Variants in TNPO2 observed in about 807,000 individuals in gnomAD.
TNPO2 encodes the protein transportin 2.
Under a neutral mutation model 111.1 loss-of-function variants are expected in TNPO2, and 16 were observed. The observed-to-expected ratio is 0.14, with a 90% confidence interval of 0.10 to 0.22. The LOEUF (loss-of-function observed/expected upper bound fraction) is 0.22. TNPO2 is among the 10% of genes least tolerant of loss of function. TNPO2 has a pLI of 1.00. For missense variants in TNPO2, 530 were observed against 1,173.7 expected, an observed-to-expected ratio of 0.45 and a Z score of 8.01; for synonymous variants, 481 against 475.8, an observed-to-expected ratio of 1.01 and a Z score of -0.14.
chr19:12,706,552 T>C lies in TNPO2; in HGVS notation c.1496+18A>G. ...CCGGGGGAGAGTGGGGGCTGTGGGA[T>C]CAGGGGTCCAGGGTCACCTGCAGGC... On this transcript the variant is annotated intron_variant, in intron 14 of 25. Coordinates refer to ENST00000425528, the MANE Select transcript of TNPO2 (RefSeq NM_001382241.1). This position sits in a 1 kb window ranked among gnomAD's most constrained non-coding sequence, Gnocchi z 7.0. The C allele has an allele frequency of 1.2e-6, 2 of 1,612,824 alleles. No individual in the cohort carries two copies. The highest frequency in any genetic ancestry group is 1.3e-5 in the African/African-American group (1 of 74,984).
intron 3 of TNPO2, among the ~76,000 whole-genome samples, chr19:12,720,578 A>T (rs2026625400): frequency 1.3e-5 from 2 of 152,116 alleles, no homozygotes; most frequent in South Asian, 4.1e-4. Flanking sequence ...GCTTCGGCCT[A>T]CCAAAGTGCT....
In TNPO2 at chr19:12,711,169, C is replaced by A; in HGVS notation, c.1117+127G>T. The A allele has an allele frequency of 3.2e-6, 4 of 1,269,248 alleles. No individual in the cohort carries two copies. In the South Asian group the frequency reaches 5.6e-5, roughly 18 times the overall value. The allele number at this position is 1,269,248 out of a possible 1,614,324, so 78.6% of individuals were successfully genotyped here. A position where few individuals can be genotyped will look rare whatever the true frequency, so the allele number is the denominator to read the frequency against. On this transcript the variant is annotated intron_variant, in intron 12 of 25. Coordinates refer to ENST00000425528, the MANE Select transcript of TNPO2 (RefSeq NM_001382241.1). ...TCAGCCTTCCAAAGTGCTGGGATTACAGGCGTAAGCCACTGCGCCCGGCCA... is the reference window on the plus strand; with the variant it reads ...TCAGCCTTCCAAAGTGCTGGGATTAAAGGCGTAAGCCACTGCGCCCGGCCA...
Position 12,701,036 on chromosome 19 carries a change from C to T in TNPO2, c.*228G>A. The T allele has an allele frequency of 6.2e-6, 2 of 321,092 alleles. No individual in the cohort carries two copies. The highest frequency in any genetic ancestry group is 5.2e-5 in the South Asian group (1 of 19,350). 19.9% of individuals were successfully genotyped at this position (321,092 alleles called of 1,614,324 possible). The stretch of plus-strand genomic sequence containing the variant: ...GCCCTTGCCCACCAGAAGTCCCCCC[C>T]ACCTCCCCGTTTGTAGGATGAGCAT... On this transcript the variant is annotated 3_prime_UTR_variant, in exon 26 of 26. Coordinates refer to ENST00000425528, the MANE Select transcript of TNPO2 (RefSeq NM_001382241.1). This position sits in a 1 kb window ranked among gnomAD's most constrained non-coding sequence, Gnocchi z 5.0.
In TNPO2 at chr19:12,702,689, G is replaced by T; in HGVS notation, c.2305+134C>A. The T allele has an allele frequency of 1.3e-6, 1 of 786,278 alleles. No individual in the cohort carries two copies. Among genetic ancestry groups the T allele is most frequent in the Non-Finnish European group, 2.1e-6 (1 of 466,338 alleles). The allele number at this position is 786,278 out of a possible 1,614,324, so 48.7% of individuals were successfully genotyped here. Reference sequence around the variant, plus strand: ...TGCATCTTTCTTGGGGCTTCTCCCAGTGACCCCTTCCAGGTACTTCCAGAC... The same window carrying T: ...TGCATCTTTCTTGGGGCTTCTCCCATTGACCCCTTCCAGGTACTTCCAGAC... On this transcript the variant is annotated intron_variant, in intron 21 of 25. Coordinates refer to ENST00000425528, the MANE Select transcript of TNPO2 (RefSeq NM_001382241.1). The surrounding 1 kb of genome is among the most constrained non-coding windows in gnomAD (Gnocchi z 5.5).
intron 12 of TNPO2, 116 bp from the exon 13 acceptor site, chr19:12,710,889 C>G: frequency 4.5e-6 from 5 of 1,103,402 alleles, no homozygotes; most frequent in Non-Finnish European, 6.2e-6. Context: ...CGATCAGCTT[C>G]TTTTTTTTTG....
Position 12,721,146 on chromosome 19 carries a change from C to T in TNPO2, c.-13-156G>A. 1 of 1,437,010 alleles carries T rather than the reference C, an allele frequency of 7.0e-7. No individual in the cohort carries two copies. The highest frequency in any genetic ancestry group is 9.1e-7 in the Non-Finnish European group (1 of 1,102,652). The allele number at this position is 1,437,010 out of a possible 1,614,324, so 89.0% of individuals were successfully genotyped here. A position where few individuals can be genotyped will look rare whatever the true frequency, so the allele number is the denominator to read the frequency against. On this transcript the variant is annotated intron_variant, in intron 2 of 25. Coordinates refer to ENST00000425528, the MANE Select transcript of TNPO2 (RefSeq NM_001382241.1). The surrounding 1 kb of genome is among the most constrained non-coding windows in gnomAD (Gnocchi z 4.9). ...CCACGCCCGCCCAAGTGCGGGGTCC[C>T]CGCCAGCTGCGCCATCCTCGGCCGC...
chr19:12,711,859 G>A (rs957422166), intron 10 of TNPO2, among the ~76,000 whole-genome samples: 1 of 149,448 alleles, frequency 6.7e-6, no homozygotes, highest in Non-Finnish European at 1.5e-5. Context: ...CCTGCCTCCA[G>A]AGAAAGGTTT....
intron 13 of TNPO2, among the ~76,000 whole-genome samples, chr19:12,710,334 A>G (rs1341754947): frequency 6.6e-6 from 1 of 152,200 alleles, no homozygotes; most frequent in Non-Finnish European, 1.5e-5. Context: ...ACATAAGTGC[A>G]CGAGGCAAGC....
chr19:12,714,949 G>T lies in TNPO2; in HGVS notation c.772-10C>A, dbSNP rs150488608. 81 of 1,606,682 alleles carry T rather than the reference G, an allele frequency of 5.0e-5. 1 individual carries two copies. In the Middle Eastern group the frequency reaches 8.3e-4, roughly 16 times the overall value. On this transcript the variant is annotated splice_polypyrimidine_tract_variant and intron_variant, in intron 9 of 25. Coordinates refer to ENST00000425528, the MANE Select transcript of TNPO2 (RefSeq NM_001382241.1). ...TCCTCTGCAGCATGTACTGTGGTAG[G>T]GGGGAGAAGCTGAGGCCTGGCCTGG...
chr19:12,718,900 T>G (rs916136836), intron 5 of TNPO2, 129 bp downstream of exon 5: 4 of 1,272,774 alleles, frequency 3.1e-6, no homozygotes, highest in Non-Finnish European at 4.4e-6. Flanking sequence ...CTTCCTCATC[T>G]ATCAAATGGC....
Position 12,715,793 on chromosome 19 carries a change from C to T in TNPO2, c.326-54G>A, listed in dbSNP as rs1196229565. On this transcript the variant is annotated intron_variant, in intron 5 of 25. Transcript: ENST00000425528. The surrounding 1 kb of genome is among the most constrained non-coding windows in gnomAD (Gnocchi z 7.1). ...GAGGCTGGGCAGGGGCTGCCTAGCA[C>T]CTCCCCCTCCCACTGGACACCCCCA... is the stretch of plus-strand genomic sequence containing the variant. 1 of 1,423,496 alleles carries T rather than the reference C, an allele frequency of 7.0e-7. No individual in the cohort carries two copies. Among genetic ancestry groups the T allele is most frequent in the East Asian group, 2.4e-5 (1 of 40,936 alleles). 88.2% of individuals were successfully genotyped at this position (1,423,496 alleles called of 1,614,324 possible).
chr19:12,707,979 T>C (rs1008888364), intron 13 of TNPO2, among the ~76,000 whole-genome samples: 25 of 151,746 alleles, frequency 1.6e-4, no homozygotes, highest in Admixed American at 6.6e-5. Flanking sequence ...GGCCACCACG[T>C]GTGGCTAATT....
At chr19:12,708,431 GTT>G (rs1160827763) in intron 13 of TNPO2, among the ~76,000 whole-genome samples, 4 of 143,596 alleles carry the variant, frequency 2.8e-5, no homozygotes, top group Non-Finnish European at 3.1e-5. Context: ...CACACCCAGG[GTT>G]TTTTTTTTTT....
At chr19:12,712,166 C>G (rs1406964847) in intron 10 of TNPO2, among the ~76,000 whole-genome samples, 2 of 152,174 alleles carry the variant, frequency 1.3e-5, no homozygotes, top group African/African-American at 4.8e-5. Flanking sequence ...GACCAGAAGA[C>G]AAGAGTGCGA....
Position 12,710,728 on chromosome 19 carries a change from C to G in TNPO2, c.1163G>C (p.Arg388Pro). 6.2e-7 allele frequency: 1 copy of G among 1,613,342 alleles called. No individual in the cohort carries two copies. The highest frequency in any genetic ancestry group is 8.5e-7 in the Non-Finnish European group (1 of 1,179,670). Residue 388 changes from arginine to proline, a missense_variant, in exon 13 of 26, where the codon CGG (arginine) becomes CCG (proline). This residue lies in a region of TNPO2 where 88 missense variants were observed against 130.2 expected (regional missense o/e 0.68). Coordinates refer to ENST00000425528, the MANE Select transcript of TNPO2 (RefSeq NM_001382241.1). The stretch of plus-strand genomic sequence containing the variant: ...GAGTAGGTGGGGCAGCAGTTCCTCC[C>G]GGAAGACATTGGCGAGGACGTCCAG... ...AALDVLANVF[R>P]EELLPHLLPL...
At chr19:12,707,472 G>A (rs1327831214) in intron 13 of TNPO2, among the ~76,000 whole-genome samples, 1 of 139,134 alleles carries the variant, frequency 7.2e-6, no homozygotes, top group Non-Finnish European at 1.5e-5. Context: ...AGATGTTTGT[G>A]AGTTTTCTTT....
Position 12,705,716 on chromosome 19 carries a change from T to C in TNPO2, c.1721A>G (p.Lys574Arg). 1 of 1,495,158 alleles carries C rather than the reference T, an allele frequency of 6.7e-7. No individual in the cohort carries two copies. Among genetic ancestry groups the C allele is most frequent in the South Asian group, 1.3e-5 (1 of 74,548 alleles). The allele number at this position is 1,495,158 out of a possible 1,614,324, so 92.6% of individuals were successfully genotyped here. A position where few individuals can be genotyped will look rare whatever the true frequency, so the allele number is the denominator to read the frequency against. ...GGGGAAGAGGTCCTTGTCTTCGTCC[T>C]TGAGCTCATTCCACTTCTGGATCAG... ...PPLIQKWNEL[K>R]DEDKDLFPLL... The change falls in exon 16 of 26, where the codon AAG becomes AGG. Residue 574 changes from lysine (K) to arginine (R), a missense_variant. Around this residue, in one of 4 missense-constraint regions of TNPO2, gnomAD observed 183 missense variants for 481.0 expected, o/e 0.38. Coordinates refer to ENST00000425528, the MANE Select transcript of TNPO2 (RefSeq NM_001382241.1). This position sits in a 1 kb window ranked among gnomAD's most constrained non-coding sequence, Gnocchi z 7.2.
Position 12,701,126 on chromosome 19 carries a change from A to C in TNPO2, c.*138T>G. 1 of 494,118 alleles carries C rather than the reference A, an allele frequency of 2.0e-6. No homozygotes were observed. Among genetic ancestry groups the C allele is most frequent in the Non-Finnish European group, 3.6e-6 (1 of 278,182 alleles). The allele number at this position is 494,118 out of a possible 1,614,324, so 30.6% of individuals were successfully genotyped here. On this transcript the variant is annotated 3_prime_UTR_variant, in exon 26 of 26. Transcript: ENST00000425528. This position sits in a 1 kb window ranked among gnomAD's most constrained non-coding sequence, Gnocchi z 5.0. ...TGGACGGACGGACGGACGGACGGGG[A>C]AGGCATCTGGATTTGAGTCCCACTC... is the stretch of plus-strand genomic sequence containing the variant.
At chr19:12,703,374 C>A (rs2025441624) in intron 20 of TNPO2, 54 bp downstream of exon 20, 10 of 1,540,690 alleles carry the variant, frequency 6.5e-6, no homozygotes, top group African/African-American at 1.4e-5. Context: ...CTCCCGCCCC[C>A]AGGTTGAGAA....
Sources: allele counts gnomAD v4.1 joint callset (sites outside exome capture counted in the v4.1 genomes callset), GRCh38; gene constraint gnomAD v4.1.1; regional missense constraint gnomAD v4.1.1; non-coding constraint Gnocchi (gnomAD v3.1); transcripts MANE v1.5; gene names NCBI Gene and HGNC (gene_info 2026-07-23, HGNC 2026-07-21).